Variants in XIRP2 observed in about 807,000 individuals in gnomAD.
XIRP2 encodes the protein xin actin binding repeat containing 2.
In XIRP2, 236 loss-of-function variants were observed where a neutral mutation model predicts 277.0. The observed-to-expected ratio is 0.85, with a 90% CI of 0.77 to 0.95. The LOEUF (loss-of-function observed/expected upper bound fraction) is 0.95, where lower values mean the gene tolerates loss of function less well. Among genes scored for constraint, XIRP2 ranks in the 40% least tolerant of loss-of-function variants. The pLI, the probability that XIRP2 is intolerant of heterozygous loss-of-function variation, is 0.00. For synonymous variants in XIRP2, 1,490 were observed against 1,416.5 expected (o/e 1.05, Z -1.17); for missense variants, 4,640 against 4,157.5 (o/e 1.12, Z -3.19).
chr2:166,946,865 A>G (rs1044516595), intron 2 of XIRP2, among the ~76,000 whole-genome samples: 2 of 152,152 alleles, frequency 1.3e-5, no homozygotes, highest in Non-Finnish European at 2.9e-5. Flanking sequence ...TTAATATCCA[A>G]GGGATAACAA....
intron 2 of XIRP2, among the ~76,000 whole-genome samples, chr2:166,920,510 C>T (rs1224719976): frequency 6.6e-6 from 1 of 152,112 alleles, no homozygotes; most frequent in Non-Finnish European, 1.5e-5. Flanking sequence ...TACTCTTATT[C>T]TAAGATACAC....
chr2:166,984,973 T>C (rs537969576), intron 2 of XIRP2, among the ~76,000 whole-genome samples: 2 of 152,362 alleles, frequency 1.3e-5, no homozygotes, highest in South Asian at 4.1e-4. Flanking sequence ...TGTTTACATA[T>C]AGTCTTACTT....
chr2:167,085,363 G>T (rs1202236116), intron 2 of XIRP2, among the ~76,000 whole-genome samples: 1 of 150,910 alleles, frequency 6.6e-6, no homozygotes, highest in South Asian at 2.1e-4. Flanking sequence ...TTACTTCCAA[G>T]TATGTGGTCA....
In XIRP2 at chr2:167,106,357, A is replaced by C. The variant is rs373446873; in HGVS notation, c.409-29552A>C. On this transcript the variant is annotated intron_variant, in intron 2 of 10. Transcript: ENST00000409195. Reference sequence around the variant, plus strand: ...CTTAGTTAATTTTTAGGGAAGTTTAACTAGAGTTTGTTTGTTTCTGCCTAT... The same window carrying C: ...CTTAGTTAATTTTTAGGGAAGTTTACCTAGAGTTTGTTTGTTTCTGCCTAT... 5.3e-4 allele frequency among the ~76,000 whole-genome samples: 80 copies of C among 151,820 alleles called. 1 individual carries two copies. The highest frequency in any genetic ancestry group is 1.9e-3 in the African/African-American group (77 of 41,514).
In XIRP2 at chr2:166,994,401, G is replaced by A. The variant is rs368583335; in HGVS notation, c.408+90511G>A. On this transcript the variant is annotated intron_variant, in intron 2 of 10. Coordinates refer to ENST00000409195, the MANE Select transcript of XIRP2 (RefSeq NM_152381.6). ...TAGATGACACGTTAGTGGGTGCAGC[G>A]CACCAGCATGGCACATGTATACATA... Among the ~76,000 whole-genome samples the A allele has an allele frequency of 8.6e-4, 108 of 125,056 alleles. 1 individual carries two copies. In the East Asian group the frequency reaches 0.027, roughly 32 times the overall value. The allele number at this position is 125,056 out of a possible 152,430, so 82.0% of individuals were successfully genotyped here.
intron 3 of XIRP2, among the ~76,000 whole-genome samples, chr2:167,201,218 G>T (rs1693687080): frequency 9.8e-6 from 1 of 101,694 alleles, no homozygotes; most frequent in African/African-American, 5.6e-5. Context: ...AAGAAAGAAA[G>T]AAAGAAAGAA....
chr2:167,236,968 T>A (rs898349675), intron 5 of XIRP2, among the ~76,000 whole-genome samples: 3 of 152,104 alleles, frequency 2.0e-5, no homozygotes, highest in African/African-American at 7.2e-5. Flanking sequence ...CAACAGTAAA[T>A]GGTAGAAACA....
chr2:167,043,778 C>G (rs963743221), intron 2 of XIRP2, among the ~76,000 whole-genome samples: 1 of 151,920 alleles, frequency 6.6e-6, no homozygotes, highest in African/African-American at 2.4e-5. Flanking sequence ...AGAACTGGTA[C>G]CAAGTTTACT....
chr2:167,083,667 G>C (rs1477313835), intron 2 of XIRP2, among the ~76,000 whole-genome samples: 1 of 152,156 alleles, frequency 6.6e-6, no homozygotes, highest in Admixed American at 6.5e-5. Flanking sequence ...CACATCCCTT[G>C]TAAGTTGGAT....
chr2:166,927,001 G>A lies in XIRP2; in HGVS notation c.408+23111G>A, dbSNP rs1685205775. On this transcript the variant is annotated intron_variant, in intron 2 of 10. Transcript: ENST00000409195. ...AGGTGAGCATGGCTCATTGAGCTGA[G>A]AATATACTTTTAAAACACTCATGCT... Among the ~76,000 whole-genome samples the A allele has an allele frequency of 2.0e-5, 3 of 152,112 alleles. No homozygotes were observed. In the South Asian group the frequency reaches 6.2e-4, roughly 31 times the overall value.
intron 3 of XIRP2, among the ~76,000 whole-genome samples, chr2:167,165,714 A>T (rs1692504950): frequency 6.6e-6 from 1 of 152,170 alleles, no homozygotes; most frequent in South Asian, 2.1e-4. Flanking sequence ...AGTTGTAGGC[A>T]TTCTTTGTAT....
In XIRP2 at chr2:167,250,871, C is replaced by A. The variant is rs1348177382; in HGVS notation, c.9479C>A (p.Ser3160Ter). The change falls in exon 9 of 11, where the codon TCG becomes TAG. Residue 3160 changes from serine to a stop codon, truncating the protein, a stop_gained. Transcript: ENST00000409195. LOFTEE classifies it high-confidence loss of function. ...YVEPPPRRPM[S>*]QKSEIHRANT... ...GAACCCCCACCAAGAAGGCCCATGT[C>A]GCAAAAATCTGAAATTCACAGAGCA... 6.2e-7 allele frequency: 1 copy of A among 1,613,394 alleles called. No individual in the cohort carries two copies. Among genetic ancestry groups the A allele is most frequent in the Non-Finnish European group, 8.5e-7 (1 of 1,179,658 alleles).
At chr2:166,964,165 T>C (rs932098626) in intron 2 of XIRP2, among the ~76,000 whole-genome samples, 5 of 151,830 alleles carry the variant, frequency 3.3e-5, no homozygotes, top group African/African-American at 9.7e-5. Context: ...TGATTATGAG[T>C]ATATGGATAA....
chr2:166,949,434 T>G (rs2105393601), intron 2 of XIRP2, among the ~76,000 whole-genome samples: 1 of 152,216 alleles, frequency 6.6e-6, no homozygotes, highest in East Asian at 1.9e-4. Context: ...CCAGTCAAAG[T>G]TGATAATTCG....
In XIRP2 at chr2:167,254,098, C is replaced by G. The variant is rs1353826307; in HGVS notation, c.10622C>G (p.Pro3541Arg). 6.2e-6 allele frequency: 10 copies of G among 1,610,900 alleles called. No individual in the cohort carries two copies. The highest frequency in any genetic ancestry group is 8.5e-6 in the Non-Finnish European group (10 of 1,178,262). ...LSKDSLSNGV[P>R]SGRQAEFS ...AAAGACAGTTTATCCAATGGAGTGC[C>G]TAGTGGCAGACAAGCAGAATTTTCA... Residue 3541 changes from proline to arginine, a missense_variant, in exon 10 of 11, where the codon CCT (proline) becomes CGT (arginine). Transcript: ENST00000409195.
intron 3 of XIRP2, among the ~76,000 whole-genome samples, chr2:167,174,420 C>G (rs1692779841): frequency 6.6e-6 from 1 of 152,180 alleles, no homozygotes; most frequent in Non-Finnish European, 1.5e-5. Context: ...TTATAATATT[C>G]TCTGATGGTA....
intron 5 of XIRP2, among the ~76,000 whole-genome samples, chr2:167,225,082 G>A (rs1694553036): frequency 6.6e-6 from 1 of 152,140 alleles, no homozygotes; most frequent in Non-Finnish European, 1.5e-5. Context: ...AAAGAAATAT[G>A]CTTCAAACAC....
At chr2:167,156,099 G>T (rs549844370) in intron 3 of XIRP2, among the ~76,000 whole-genome samples, 2 of 151,368 alleles carry the variant, frequency 1.3e-5, no homozygotes, top group Non-Finnish European at 2.9e-5. Flanking sequence ...AATAAAAGAG[G>T]ATACAAACAA....
intron 3 of XIRP2, among the ~76,000 whole-genome samples, chr2:167,176,105 C>T (rs146844159): frequency 0.025 from 3,827 of 152,234 alleles, 66 homozygotes; most frequent in East Asian, 0.046. Context: ...CTGGCTTCAG[C>T]CCCCTTTCCA....
Sources: gnomAD v4.1 joint callset for allele counts (sites outside exome capture counted in the v4.1 genomes callset) on GRCh38, gnomAD v4.1.1 for gene constraint, MANE v1.5 for transcripts, NCBI Gene and HGNC (gene_info 2026-07-23, HGNC 2026-07-21) for gene names.